ZNF536: variants seen among roughly 807,000 people sequenced by gnomAD.
ZNF536 encodes zinc finger protein 536.
A neutral mutation model predicts 84.5 loss-of-function variants in ZNF536; 13 were observed. That is an observed-to-expected ratio of 0.15 (90% CI 0.10 to 0.24). ZNF536 has a LOEUF of 0.24. Ranked by LOEUF, ZNF536 falls within the 10% of genes least tolerant of loss-of-function variation. The pLI is 1.00. For synonymous variants in ZNF536, 811 were observed against 742.5 expected (o/e 1.09, Z -1.50); for missense variants, 1,536 against 1,747.5 (o/e 0.88, Z 2.16).
chr19:30,401,576 A>G (rs7260487), intron 1 of ZNF536, among the ~76,000 whole-genome samples: 144,965 of 152,382 alleles, frequency 0.95, 69,083 homozygotes, highest in African/African-American at 0.98. Context: ...CCTTGCTTAC[A>G]CATGTTCTCA....
intron 1 of ZNF536, among the ~76,000 whole-genome samples, chr19:30,595,917 G>A (rs2047447032): frequency 6.6e-6 from 1 of 152,156 alleles, no homozygotes; most frequent in South Asian, 2.1e-4. Context: ...TCCTGGGAAA[G>A]GAGAGGGGGT....
chr19:30,558,261 G>A (rs988961740), downstream of ZNF536, among the ~76,000 whole-genome samples: 2 of 152,148 alleles, frequency 1.3e-5, no homozygotes, highest in African/African-American at 2.4e-5. Context: ...ACATGCAAGT[G>A]GAAAAGGACC....
At position 30,445,253 on chromosome 19, in the gene ZNF536, G is replaced by A. The variant is rs772450193; in HGVS notation, c.1691G>A (p.Arg564Gln). 1.2e-6 allele frequency: 2 copies of A among 1,614,192 alleles called. No homozygotes were observed. The highest frequency in any genetic ancestry group is 1.7e-6 in the Non-Finnish European group (2 of 1,180,048). ...GGGGTTCTGTTTGATAAGGAGAAGC[G>A]GGAGTACGTGTTAGTGGGAGCAGAT... ...NAGVLFDKEKREYVLVGADGS... is the reference protein window; with the variant it reads ...NAGVLFDKEKQEYVLVGADGS... Residue 564 changes from arginine to glutamine, a missense_variant, in exon 2 of 5, where the codon CGG (arginine) becomes CAG (glutamine). Arg to Gln is a conservative substitution (Grantham distance 43). Around this residue, in one of 8 missense-constraint regions of ZNF536, gnomAD observed 366 missense variants for 364.4 expected, o/e 1.00. Coordinates refer to ENST00000355537, the MANE Select transcript of ZNF536 (RefSeq NM_014717.3). This position sits in a 1 kb window ranked among gnomAD's most constrained non-coding sequence, Gnocchi z 4.5.
chr19:30,542,333 C>CAT (rs1568533193), intron 3 of ZNF536, among the ~76,000 whole-genome samples: 18 of 151,936 alleles, frequency 1.2e-4, no homozygotes, highest in Non-Finnish European at 2.4e-4. Flanking sequence ...AAATAGGTAC[C>CAT]GTGAACTAAT....
chr19:30,585,566 T>C (rs1293113942), intron 1 of ZNF536, among the ~76,000 whole-genome samples: 4 of 152,174 alleles, frequency 2.6e-5, no homozygotes, highest in Admixed American at 2.0e-4. Context: ...GGTTCTCTCA[T>C]CCAGGGAAGC....
intron 1 of ZNF536, among the ~76,000 whole-genome samples, chr19:30,435,239 A>C (rs1475733497): frequency 6.7e-6 from 1 of 148,460 alleles, no homozygotes; most frequent in Non-Finnish European, 1.5e-5. Context: ...GATAGTGATG[A>C]TGATGGTGAT....
At chr19:30,276,250 G>C (rs1047345265) in intron 1 of ZNF536, among the ~76,000 whole-genome samples, 1 of 152,106 alleles carries the variant, frequency 6.6e-6, no homozygotes, top group African/African-American at 2.4e-5. Context: ...GAGAGGTGAC[G>C]GTTTCCAAAA....
intron 1 of ZNF536, among the ~76,000 whole-genome samples, chr19:30,600,543 C>T (rs764894569): frequency 3.9e-5 from 6 of 152,240 alleles, no homozygotes; most frequent in Non-Finnish European, 8.8e-5. Flanking sequence ...CACTTCCTCA[C>T]ATCCACGTCC....
At chr19:30,314,021 A>G (rs544325867) in intron 2 of ZNF536, among the ~76,000 whole-genome samples, 24 of 152,158 alleles carry the variant, frequency 1.6e-4, no homozygotes, top group African/African-American at 5.3e-4. Flanking sequence ...GGGACTGTCA[A>G]CTCCAGCTCT....
At position 30,298,731 on chromosome 19, in the gene ZNF536, C is replaced by T. The variant is rs558248273; in HGVS notation, c.-120+14590C>T. Among the ~76,000 whole-genome samples, 36 of 152,350 alleles carry T rather than the reference C, an allele frequency of 2.4e-4. No individual in the cohort carries two copies. The South Asian group carries it at 4.8e-3, about 20-fold the overall frequency. Reference sequence around the variant, plus strand: ...GTCTGGGAAGGAACCTGGGAATCTTCGTTTCTCCCAGTCTCCTTTGGCAAT... The same window carrying T: ...GTCTGGGAAGGAACCTGGGAATCTTTGTTTCTCCCAGTCTCCTTTGGCAAT... On this transcript the variant is annotated intron_variant, in intron 2 of 5. Coordinates refer to the ZNF536 transcript ENST00000585628.
chr19:30,593,256 T>C (rs544324029), intron 1 of ZNF536, among the ~76,000 whole-genome samples: 12 of 152,226 alleles, frequency 7.9e-5, no homozygotes, highest in African/African-American at 2.9e-4. Context: ...CCAGCTTCCT[T>C]GCGCTGTGAC....
At chr19:30,421,443 A>G (rs2147850186) in intron 1 of ZNF536, among the ~76,000 whole-genome samples, 1 of 152,244 alleles carries the variant, frequency 6.6e-6, no homozygotes, top group African/African-American at 2.4e-5. Context: ...GCTGGAGTGC[A>G]GTGGCACAAT....
chr19:30,571,579 CTCTTTGCAG>C (rs1368173705), intron 1 of ZNF536, among the ~76,000 whole-genome samples: 1 of 152,202 alleles, frequency 6.6e-6, no homozygotes, highest in Admixed American at 6.5e-5. Flanking sequence ...GATAGAACGA[CTCTTTGCAG>C]TCCATGCCCC....
At chr19:30,525,208 C>T (rs369957024) in intron 2 of ZNF536, among the ~76,000 whole-genome samples, 4 of 152,152 alleles carry the variant, frequency 2.6e-5, no homozygotes, top group East Asian at 1.9e-4. Flanking sequence ...CCCTGAGGCC[C>T]CTTCCTCCAG....
At chr19:30,454,975 G>A (rs1452180452) in intron 2 of ZNF536, among the ~76,000 whole-genome samples, 2 of 152,186 alleles carry the variant, frequency 1.3e-5, no homozygotes, top group East Asian at 3.9e-4. Flanking sequence ...GGAGGTTGCG[G>A]TGAGCCGAGA....
chr19:30,372,838 A>G (rs888254000), intron 1 of ZNF536, among the ~76,000 whole-genome samples: 2 of 70,620 alleles, frequency 2.8e-5, no homozygotes, highest in African/African-American at 4.1e-5. Context: ...CGCCCCCCCC[A>G]TCTAATCTGA....
In ZNF536 at chr19:30,511,885, T is replaced by C. The variant is rs183904531; in HGVS notation, c.2171-22962T>C. 5.5e-3 allele frequency among the ~76,000 whole-genome samples: 836 copies of C among 152,260 alleles called. 1 individual carries two copies. Among genetic ancestry groups the C allele is most frequent in the South Asian group, 8.7e-3 (42 of 4,824 alleles). ...AACAAAGCTTTTAGAGGGTTTCTGG[T>C]GCTATTTATCCTTCCCCTCCCTAAT... On this transcript the variant is annotated intron_variant, in intron 2 of 4. Coordinates refer to ENST00000355537, the MANE Select transcript of ZNF536 (RefSeq NM_014717.3).
intron 1 of ZNF536, among the ~76,000 whole-genome samples, chr19:30,434,629 C>G (rs2051627250): frequency 6.6e-6 from 1 of 152,152 alleles, no homozygotes; most frequent in South Asian, 2.1e-4. Flanking sequence ...GAGACAATGA[C>G]TGTGATGTAC....
intron 1 of ZNF536, among the ~76,000 whole-genome samples, chr19:30,254,901 A>ATT (rs2024829537): frequency 1.3e-5 from 2 of 152,190 alleles, no homozygotes; most frequent in African/African-American, 2.4e-5. Flanking sequence ...TGGACTTAAA[A>ATT]GTCTTTAAAA....
Sources: gnomAD v4.1 joint callset for allele counts (sites outside exome capture counted in the v4.1 genomes callset) on GRCh38, gnomAD v4.1.1 for gene constraint, gnomAD v4.1.1 regional missense constraint, Gnocchi (gnomAD v3.1) non-coding constraint, MANE v1.5 for transcripts, NCBI Gene and HGNC (gene_info 2026-07-23, HGNC 2026-07-21) for gene names.